OPCML: variants seen among roughly 807,000 people sequenced by gnomAD.
OPCML encodes the protein opioid-binding protein/cell adhesion molecule.
OPCML carries 13 observed loss-of-function variants against 37.8 expected under a neutral mutation model. That is an observed-to-expected ratio of 0.34 (90% CI 0.22 to 0.55). OPCML has a LOEUF of 0.55. Ranked by LOEUF, OPCML falls within the 20% of genes least tolerant of loss-of-function variation. The probability of loss-of-function intolerance (pLI) is 0.91; values close to 1 mark genes in which losing one functional copy is unlikely to be tolerated. For synonymous variants in OPCML, 176 were observed against 168.8 expected, an observed-to-expected ratio of 1.04 and a Z score of -0.33; for missense variants, 341 against 435.6, an observed-to-expected ratio of 0.78 and a Z score of 1.93.
At chr11:133,267,470 A>C (rs990716714) in intron 1 of OPCML, among the ~76,000 whole-genome samples, 1 of 152,220 alleles carries the variant, frequency 6.6e-6, no homozygotes, top group African/African-American at 2.4e-5. Context: ...TAAGTGAGGT[A>C]TGTATATAAA....
intron 1 of OPCML, among the ~76,000 whole-genome samples, chr11:133,194,829 C>T (rs1938473418): frequency 6.6e-6 from 1 of 152,144 alleles, no homozygotes; most frequent in South Asian, 2.1e-4. Flanking sequence ...ATACGTAATG[C>T]CCCTGAATCT....
chr11:133,247,479 A>C (rs943873108), intron 1 of OPCML, among the ~76,000 whole-genome samples: 1 of 152,098 alleles, frequency 6.6e-6, no homozygotes, highest in Non-Finnish European at 1.5e-5. Flanking sequence ...TACAGTTTTT[A>C]TTGCAAATAA....
intron 1 of OPCML, among the ~76,000 whole-genome samples, chr11:132,967,129 C>T (rs759746099): frequency 1.3e-5 from 2 of 151,964 alleles, no homozygotes; most frequent in Admixed American, 6.6e-5. Context: ...TTATATGCAA[C>T]ATTTTAATCT....
At chr11:133,264,604 C>T (rs879656055) in intron 1 of OPCML, among the ~76,000 whole-genome samples, 19 of 152,102 alleles carry the variant, frequency 1.2e-4, no homozygotes, top group Non-Finnish European at 2.1e-4. Context: ...AACTAACATG[C>T]TGGTGTCAAC....
intron 2 of OPCML, among the ~76,000 whole-genome samples, chr11:132,741,478 G>C (rs920291373): frequency 6.6e-6 from 1 of 152,016 alleles, no homozygotes; most frequent in Non-Finnish European, 1.5e-5. Context: ...GGCATGACTC[G>C]ACTCTTCTTC....
chr11:133,263,155 T>G (rs1021953112), intron 1 of OPCML, among the ~76,000 whole-genome samples: 1 of 152,044 alleles, frequency 6.6e-6, no homozygotes, highest in Admixed American at 6.6e-5. Flanking sequence ...GAACCCTCAT[T>G]TTTTTCTCTT....
At chr11:133,504,728 A>G (rs1947989751) in intron 1 of OPCML, among the ~76,000 whole-genome samples, 1 of 152,206 alleles carries the variant, frequency 6.6e-6, no homozygotes, top group Non-Finnish European at 1.5e-5. Context: ...AGATGAAATG[A>G]CGAAGAGAGG....
At chr11:132,661,348 T>C (rs571865563) in intron 2 of OPCML, among the ~76,000 whole-genome samples, 1 of 152,326 alleles carries the variant, frequency 6.6e-6, no homozygotes, top group Admixed American at 6.5e-5. Context: ...TGAAATCAGT[T>C]GAGGAAAGTT....
intron 1 of OPCML, among the ~76,000 whole-genome samples, chr11:133,408,445 T>C (rs1945569910): frequency 6.6e-6 from 1 of 152,240 alleles, no homozygotes; most frequent in African/African-American, 2.4e-5. Context: ...TCATGGTTTA[T>C]TGTCATGCAT....
rs185280052 is a variant in OPCML, at chr11:133,477,185, G to A, written c.61+55079C>T. 2.3e-3 allele frequency among the ~76,000 whole-genome samples: 353 copies of A among 152,122 alleles called. 1 individual carries two copies. Among genetic ancestry groups the A allele is most frequent in the African/African-American group, 7.8e-3 (325 of 41,468 alleles). ...TTTTTCCCCCCACGTTTTTCTGTTC[G>A]CCCTCTTCTGCCTTCAGCACACGAA... is the stretch of plus-strand genomic sequence containing the variant. On this transcript the variant is annotated intron_variant, in intron 1 of 7. Coordinates refer to ENST00000524381, the MANE Select transcript of OPCML (RefSeq NM_001012393.5).
intron 4 of OPCML, among the ~76,000 whole-genome samples, chr11:132,472,398 A>C (rs1013260083): frequency 6.6e-6 from 1 of 152,226 alleles, no homozygotes; most frequent in African/African-American, 2.4e-5. Context: ...CATTTCTGGC[A>C]GGCTTATCCA....
At chr11:132,620,682 C>A (rs1057416790) in intron 3 of OPCML, among the ~76,000 whole-genome samples, 2 of 152,152 alleles carry the variant, frequency 1.3e-5, no homozygotes, top group Admixed American at 1.3e-4. Context: ...AGAGTGTATG[C>A]CTTGGAATCA....
chr11:132,792,676 C>CG (rs1938003410), intron 2 of OPCML, among the ~76,000 whole-genome samples: 1 of 151,796 alleles, frequency 6.6e-6, no homozygotes, highest in Admixed American at 6.5e-5. Context: ...GAGGGGGTGG[C>CG]GGAGGGGATG....
chr11:133,501,297 G>A (rs939978528), intron 1 of OPCML, among the ~76,000 whole-genome samples: 7 of 151,996 alleles, frequency 4.6e-5, no homozygotes, highest in South Asian at 2.1e-4. Context: ...ACCCCCCCAC[G>A]GTACAGTGCG....
intron 1 of OPCML, among the ~76,000 whole-genome samples, chr11:133,471,468 A>G (rs183511011): frequency 2.0e-5 from 3 of 152,324 alleles, no homozygotes; most frequent in Admixed American, 6.5e-5. Context: ...TGGCTTGTAT[A>G]TGCATATAAG....
intron 1 of OPCML, chr11:133,439,491 G>A: frequency 2.1e-6 from 2 of 948,406 alleles, no homozygotes; most frequent in Non-Finnish European, 2.5e-6. Context: ...TTTTTGAGAT[G>A]GAGTCTCACT....
At chr11:132,865,119 T>C (rs192140843) in intron 2 of OPCML, among the ~76,000 whole-genome samples, 2 of 152,326 alleles carry the variant, frequency 1.3e-5, no homozygotes, top group East Asian at 1.9e-4. Context: ...AAAAATATTA[T>C]GAAATTTTGA....
chr11:133,257,247 C>A (rs1941340658), intron 1 of OPCML, among the ~76,000 whole-genome samples: 1 of 152,090 alleles, frequency 6.6e-6, no homozygotes, highest in Non-Finnish European at 1.5e-5. Flanking sequence ...ATCTCAATGA[C>A]CTATAATTTC....
intron 1 of OPCML, among the ~76,000 whole-genome samples, chr11:133,351,130 G>A (rs188424500): frequency 2.1e-4 from 32 of 152,304 alleles, no homozygotes; most frequent in African/African-American, 6.5e-4. Context: ...GCTTTCCCGC[G>A]ATTTGCCACG....
Sources: allele counts gnomAD v4.1 joint callset (sites outside exome capture counted in the v4.1 genomes callset), GRCh38; gene constraint gnomAD v4.1.1; transcripts MANE v1.5; gene names NCBI Gene and HGNC (gene_info 2026-07-23, HGNC 2026-07-21).